ATG10: variants seen among roughly 807,000 people sequenced by gnomAD.
ATG10 encodes the protein ubiquitin-like-conjugating enzyme ATG10.
Under a neutral mutation model 32.1 loss-of-function variants are expected in ATG10, and 30 were observed. That is an observed-to-expected ratio of 0.94 (90% CI 0.70 to 1.27). The LOEUF (loss-of-function observed/expected upper bound fraction) is 1.27. Among genes scored for constraint, ATG10 ranks in the 50% most tolerant of loss-of-function variants. The pLI is 0.00. For missense variants in ATG10, 233 were observed against 262.3 expected, an observed-to-expected ratio of 0.89 and a Z score of 0.77; for synonymous variants, 87 against 91.5, an observed-to-expected ratio of 0.95 and a Z score of 0.28.
chr5:82,228,762 T>C (rs1436433313), intron 5 of ATG10, among the ~76,000 whole-genome samples: 1 of 152,210 alleles, frequency 6.6e-6, no homozygotes, highest in Non-Finnish European at 1.5e-5. Flanking sequence ...ACCTGGGGTA[T>C]ATAGATAGAT....
At chr5:82,168,458 A>G (rs1303090362) in intron 4 of ATG10, among the ~76,000 whole-genome samples, 1 of 152,216 alleles carries the variant, frequency 6.6e-6, no homozygotes, top group Non-Finnish European at 1.5e-5. Context: ...TTTGGATGAC[A>G]TATGGGTTCT....
intron 2 of ATG10, among the ~76,000 whole-genome samples, chr5:81,995,820 A>G (rs1420816705): frequency 5.9e-5 from 9 of 152,236 alleles, no homozygotes; most frequent in Admixed American, 1.3e-4. Context: ...TAATGTAACA[A>G]TTCATAAATG....
chr5:81,999,143 C>CAAAAAAAAAAAAAAAAAAA (rs370637760), intron 2 of ATG10, among the ~76,000 whole-genome samples: 1 of 116,542 alleles, frequency 8.6e-6, no homozygotes, highest in Non-Finnish European at 1.8e-5. Flanking sequence ...AATCCTCAGC[C>CAAAAAAAAAAAAAAAAAAA]AAAAAAAAAA....
At chr5:82,125,865 C>T (rs191664845) in intron 3 of ATG10, among the ~76,000 whole-genome samples, 1 of 152,270 alleles carries the variant, frequency 6.6e-6, no homozygotes, top group Admixed American at 6.5e-5. Flanking sequence ...TTAGTTTGGG[C>T]AGTATGGCCA....
intron 1 of ATG10, among the ~76,000 whole-genome samples, chr5:81,982,003 G>T (rs1460063678): frequency 6.6e-6 from 1 of 152,208 alleles, no homozygotes; most frequent in African/African-American, 2.4e-5. Context: ...AGTTTGGAAA[G>T]ACTACCCTCA....
In ATG10 at chr5:82,229,635, T is replaced by G. The variant is rs147657998; in HGVS notation, c.454-22927T>G. On this transcript the variant is annotated intron_variant, in intron 5 of 7. Coordinates refer to ENST00000282185, the MANE Select transcript of ATG10 (RefSeq NM_031482.5). ...GGTGTGTTAATGCTATAGCCATATT[T>G]TATACAAACTGGCACAGAATCTGAG... 3.9e-5 allele frequency among the ~76,000 whole-genome samples: 6 copies of G among 152,352 alleles called. No individual in the cohort carries two copies. The East Asian group carries it at 1.2e-3, about 29-fold the overall frequency.
At chr5:82,048,359 G>C (rs1379727693) in intron 2 of ATG10, among the ~76,000 whole-genome samples, 1 of 148,316 alleles carries the variant, frequency 6.7e-6, no homozygotes, top group Non-Finnish European at 1.5e-5. Context: ...AGCATGGAAT[G>C]TTCTTCCATT....
Position 82,116,106 on chromosome 5 carries a change from A to C in ATG10, c.217-48293A>C, listed in dbSNP as rs377721063. On this transcript the variant is annotated intron_variant, in intron 3 of 7. Coordinates refer to ENST00000282185, the MANE Select transcript of ATG10 (RefSeq NM_031482.5). ...CTCATTTTGAAATTCATGTTCCACT[A>C]TGCTTGTCTCTAATCTAAAATAATT... Among the ~76,000 whole-genome samples the C allele has an allele frequency of 6.6e-5, 10 of 152,200 alleles. No homozygotes were observed. In the East Asian group the frequency reaches 1.7e-3, roughly 26 times the overall value.
At chr5:82,159,253 G>A (rs560613190) in intron 3 of ATG10, among the ~76,000 whole-genome samples, 10 of 152,106 alleles carry the variant, frequency 6.6e-5, no homozygotes, top group African/African-American at 2.4e-4. Context: ...GGGATGGCAG[G>A]AGATTTCATC....
intron 1 of ATG10, among the ~76,000 whole-genome samples, chr5:81,984,749 A>G (rs1011691800): frequency 1.3e-5 from 2 of 152,258 alleles, no homozygotes; most frequent in Non-Finnish European, 2.9e-5. Context: ...AGGACCAGAA[A>G]GTATTACAAC....
chr5:82,009,776 G>T, intron 2 of ATG10: 1 of 1,606,958 alleles, frequency 6.2e-7, no homozygotes, highest in South Asian at 1.1e-5. Flanking sequence ...AGCCATTTGT[G>T]TTGGGTCCAG....
chr5:82,042,259 G>C (rs1456407638), intron 2 of ATG10, among the ~76,000 whole-genome samples: 1 of 152,146 alleles, frequency 6.6e-6, no homozygotes, highest in Non-Finnish European at 1.5e-5. Context: ...GAGAGAGAGA[G>C]AGCAAGAGTA....
At chr5:82,209,837 A>C (rs530622839) in intron 5 of ATG10, among the ~76,000 whole-genome samples, 12 of 152,054 alleles carry the variant, frequency 7.9e-5, no homozygotes, top group Middle Eastern at 3.4e-3. Context: ...AGACCCCTTC[A>C]CCATATCTCA....
intron 5 of ATG10, among the ~76,000 whole-genome samples, chr5:82,230,240 TACTTAAA>T (rs1293354618): frequency 6.6e-6 from 1 of 152,198 alleles, no homozygotes; most frequent in Non-Finnish European, 1.5e-5. Flanking sequence ...AAGACAGGGC[TACTTAAA>T]ACAGTGAGGG....
intron 4 of ATG10, among the ~76,000 whole-genome samples, chr5:82,178,079 T>C (rs1021391513): frequency 6.6e-6 from 1 of 152,180 alleles, no homozygotes; most frequent in Non-Finnish European, 1.5e-5. Context: ...ATGTGAAAGA[T>C]GCATGGGTAT....
At chr5:82,098,474 C>T (rs538068132) in intron 3 of ATG10, among the ~76,000 whole-genome samples, 1 of 152,090 alleles carries the variant, frequency 6.6e-6, no homozygotes, top group Admixed American at 6.5e-5. Context: ...CCACGCCCTG[C>T]TAATTTTTGT....
intron 3 of ATG10, among the ~76,000 whole-genome samples, chr5:82,162,851 G>A (rs1007222349): frequency 1.3e-5 from 2 of 149,490 alleles, no homozygotes; most frequent in Non-Finnish European, 3.0e-5. Context: ...TGGGGAGGAG[G>A]TGTGTGTGTG....
At chr5:82,138,595 T>A (rs1015398310) in intron 3 of ATG10, among the ~76,000 whole-genome samples, 2 of 152,062 alleles carry the variant, frequency 1.3e-5, no homozygotes, top group Admixed American at 1.3e-4. Context: ...GGTACCTCAG[T>A]TGGAAATGCA....
At chr5:82,059,030 G>A (rs1455679362) in intron 3 of ATG10, among the ~76,000 whole-genome samples, 26 of 152,168 alleles carry the variant, frequency 1.7e-4, no homozygotes, top group Non-Finnish European at 1.5e-5. Flanking sequence ...GCCCCAGGCT[G>A]CTTAATACTT....
Sources: gnomAD v4.1 joint callset for allele counts (sites outside exome capture counted in the v4.1 genomes callset) on GRCh38, gnomAD v4.1.1 for gene constraint, MANE v1.5 for transcripts, NCBI Gene and HGNC (gene_info 2026-07-23, HGNC 2026-07-21) for gene names.